HIVEP3: variants seen among roughly 807,000 people sequenced by gnomAD.
HIVEP3 encodes the protein HIVEP zinc finger 3.
Under a neutral mutation model 152.8 loss-of-function variants are expected in HIVEP3, and 49 were observed. The ratio of observed to expected loss-of-function variants is 0.32; its 90% confidence interval spans 0.26 to 0.41. HIVEP3 has a LOEUF of 0.41. Among genes scored for constraint, HIVEP3 ranks in the 10% least tolerant of loss-of-function variants. The pLI is 1.00. For synonymous variants in HIVEP3, 1,269 were observed against 1,289.0 expected (o/e 0.98, Z 0.33); for missense variants, 2,790 against 3,103.3 (o/e 0.90, Z 2.40).
chr1:41,838,271 G>A (rs78912281), intron 1 of HIVEP3, among the ~76,000 whole-genome samples: 1,837 of 151,886 alleles, frequency 0.012, 34 homozygotes, highest in African/African-American at 0.043. Context: ...TAATGTCATC[G>A]ACAGAGGCAA....
intron 1 of HIVEP3, among the ~76,000 whole-genome samples, chr1:42,026,647 T>A (rs1255926628): frequency 6.6e-6 from 1 of 152,140 alleles, no homozygotes; most frequent in Non-Finnish European, 1.5e-5. Context: ...CTCTTTCAGA[T>A]GAGCTGTTTT....
At chr1:41,531,456 CATGAGA>C (rs1643250855) in intron 5 of HIVEP3, among the ~76,000 whole-genome samples, 1 of 131,292 alleles carries the variant, frequency 7.6e-6, no homozygotes, top group African/African-American at 3.0e-5. Context: ...AGATGGAGGA[CATGAGA>C]GATAGAGGAC....
At chr1:41,683,658 T>C (rs893606534) in intron 2 of HIVEP3, among the ~76,000 whole-genome samples, 4 of 152,154 alleles carry the variant, frequency 2.6e-5, no homozygotes, top group African/African-American at 7.2e-5. Flanking sequence ...TGGCTGTGTG[T>C]TTTCCCGTGA....
chr1:41,917,879 G>T (rs3820587), intron 1 of HIVEP3, among the ~76,000 whole-genome samples: 63,925 of 152,044 alleles, frequency 0.42, 15,398 homozygotes, highest in East Asian at 0.71. Flanking sequence ...TGTCTCAGCA[G>T]CCAGCATCAT....
At chr1:41,708,664 T>C (rs974043143) in intron 1 of HIVEP3, among the ~76,000 whole-genome samples, 2 of 152,216 alleles carry the variant, frequency 1.3e-5, no homozygotes, top group Admixed American at 6.5e-5. Context: ...ATATTCCCTC[T>C]TTGCTTAAGT....
intron 1 of HIVEP3, among the ~76,000 whole-genome samples, chr1:41,948,684 C>T: frequency 6.6e-6 from 1 of 152,026 alleles, no homozygotes; most frequent in East Asian, 1.9e-4. Flanking sequence ...TTCCTCCCCT[C>T]AGAATGGCTA....
At chr1:41,993,604 A>G (rs1342771611) in intron 1 of HIVEP3, among the ~76,000 whole-genome samples, 20 of 152,116 alleles carry the variant, frequency 1.3e-4, no homozygotes, top group Non-Finnish European at 2.9e-5. Context: ...ATTCCTCAGG[A>G]ATCTAGAACC....
chr1:41,906,543 A>G (rs1443778494), intron 1 of HIVEP3, among the ~76,000 whole-genome samples: 1 of 152,174 alleles, frequency 6.6e-6, no homozygotes, highest in Non-Finnish European at 1.5e-5. Context: ...AGGAGGGACG[A>G]ACTAAGTGTG....
chr1:41,899,778 A>G (rs796095759), intron 1 of HIVEP3, among the ~76,000 whole-genome samples: 1 of 152,354 alleles, frequency 6.6e-6, no homozygotes, highest in African/African-American at 2.4e-5. Context: ...TAGTAGCTCT[A>G]TGAAGTACTA....
Position 41,863,441 on chromosome 1 carries a change from T to C in HIVEP3, c.-801+54972A>G, listed in dbSNP as rs79541354. On this transcript the variant is annotated intron_variant, in intron 1 of 8. Coordinates refer to ENST00000372583, the MANE Select transcript of HIVEP3 (RefSeq NM_024503.5). ...TCTGAACTCCGGCTCAAAAATAATATAGGTTCTTGGAATGGGACAAAAGAA... is the reference window on the plus strand; with the variant it reads ...TCTGAACTCCGGCTCAAAAATAATACAGGTTCTTGGAATGGGACAAAAGAA... 1.4e-4 allele frequency among the ~76,000 whole-genome samples: 22 copies of C among 152,122 alleles called. No individual in the cohort carries two copies. The East Asian group carries it at 2.7e-3, about 19-fold the overall frequency.
chr1:41,638,214 GAGAA>G (rs905524152), intron 2 of HIVEP3, among the ~76,000 whole-genome samples: 8 of 136,336 alleles, frequency 5.9e-5, no homozygotes, highest in Non-Finnish European at 1.1e-4. Flanking sequence ...AAAGAAAGAA[GAGAA>G]AGAAAGAAAG....
Position 41,757,695 on chromosome 1 carries a change from GTATT to G in HIVEP3, c.-800-56704_-800-56701del, listed in dbSNP as rs56130199. On this transcript the variant is annotated intron_variant, in intron 1 of 8. Transcript: ENST00000372583. ...TCAGTCTGTTTATATTTTCTACTTT[GTATT>G]TATTTATTTATTTATTTATTTATTT... 5.9e-4 allele frequency among the ~76,000 whole-genome samples: 86 copies of G among 145,236 alleles called. 2 individuals are homozygous for G. The highest frequency in any genetic ancestry group is 7.2e-3 in the Middle Eastern group (2 of 278).
At chr1:41,691,575 G>A (rs1472940890) in intron 2 of HIVEP3, among the ~76,000 whole-genome samples, 2 of 152,154 alleles carry the variant, frequency 1.3e-5, no homozygotes, top group African/African-American at 2.4e-5. Context: ...TACCATTTGA[G>A]AACACAGCAA....
intron 1 of HIVEP3, among the ~76,000 whole-genome samples, chr1:41,824,790 G>T (rs1164713654): frequency 3.4e-3 from 74 of 22,048 alleles, no homozygotes; most frequent in African/African-American, 7.4e-3. Context: ...TATATAGAGA[G>T]AGAGAGAGAG....
chr1:41,866,462 G>A (rs1400664509), intron 1 of HIVEP3, among the ~76,000 whole-genome samples: 2 of 152,234 alleles, frequency 1.3e-5, no homozygotes. Context: ...CCTCTATGCA[G>A]TGCACTCCAC....
chr1:41,960,825 C>T (rs549258152), intron 1 of HIVEP3, among the ~76,000 whole-genome samples: 1 of 152,218 alleles, frequency 6.6e-6, no homozygotes, highest in Non-Finnish European at 1.5e-5. Context: ...TCTCCTCCCC[C>T]TCCACTGTGG....
At chr1:41,801,932 A>AG (rs578217881) in intron 1 of HIVEP3, among the ~76,000 whole-genome samples, 21 of 152,178 alleles carry the variant, frequency 1.4e-4, no homozygotes, top group African/African-American at 4.8e-4. Context: ...TATGTCAAGG[A>AG]GTGGGGGGCA....
At chr1:41,749,822 G>C (rs1421502218) in intron 1 of HIVEP3, among the ~76,000 whole-genome samples, 1 of 152,224 alleles carries the variant, frequency 6.6e-6, no homozygotes, top group Non-Finnish European at 1.5e-5. Flanking sequence ...GCACAGGGGA[G>C]AGTGGTGTGG....
intron 1 of HIVEP3, among the ~76,000 whole-genome samples, chr1:42,024,945 G>T (rs981421782): frequency 6.6e-6 from 1 of 152,194 alleles, no homozygotes. Flanking sequence ...TTGATGTTGA[G>T]AAGTATGTAA....
Sources: gnomAD v4.1 joint callset for allele counts (sites outside exome capture counted in the v4.1 genomes callset) on GRCh38, gnomAD v4.1.1 for gene constraint, MANE v1.5 for transcripts, NCBI Gene and HGNC (gene_info 2026-07-23, HGNC 2026-07-21) for gene names.